The following RNF149 variants were observed in gnomAD, a reference collection of about 807,000 sequenced individuals.
RNF149 encodes E3 ubiquitin-protein ligase RNF149.
Under a neutral mutation model 39.0 loss-of-function variants are expected in RNF149, and 21 were observed. That is an observed-to-expected ratio of 0.54 (90% CI 0.38 to 0.77). RNF149 has a LOEUF of 0.77. Among genes scored for constraint, RNF149 ranks in the 30% least tolerant of loss-of-function variants. RNF149 has a pLI of 0.00. For synonymous variants in RNF149, 209 were observed against 213.6 expected, an observed-to-expected ratio of 0.98 and a Z score of 0.19; for missense variants, 493 against 534.9, an observed-to-expected ratio of 0.92 and a Z score of 0.77.
At chr2:101,273,621 T>C (rs1413524868), downstream of RNF149, among the ~76,000 whole-genome samples, 1 of 151,928 alleles carries the variant, frequency 6.6e-6, no homozygotes, top group African/African-American at 2.4e-5. Context: ...TACAGGCAGA[T>C]GCCACCACAC....
intron 1 of RNF149, among the ~76,000 whole-genome samples, chr2:101,299,076 G>C (rs1172630115): frequency 6.6e-6 from 1 of 152,192 alleles, no homozygotes; most frequent in African/African-American, 2.4e-5. Context: ...AGAATTGCTC[G>C]AACCCAGAGT....
chr2:101,288,875 C>T (rs894223390), intron 4 of RNF149, 98 bp downstream of exon 4: 1 of 635,966 alleles, frequency 1.6e-6, no homozygotes, highest in Non-Finnish European at 2.8e-6. Flanking sequence ...TCACAAATTA[C>T]AAGATCTTCA....
rs1682318882 is a variant in RNF149 at position 101,275,660 on chromosome 2, C to G, written c.*1578G>C. ...GTTTCACCGTTTTAGCCGGGATGGT[C>G]TCGATCTCCTGACCTCGTGATCCGC... On this transcript the variant is annotated 3_prime_UTR_variant, in exon 7 of 7. Transcript: ENST00000295317. The G allele has an allele frequency of 5.2e-6, 1 of 191,444 alleles. No individual in the cohort carries two copies. The highest frequency in any genetic ancestry group is 2.4e-5 in the African/African-American group (1 of 41,018). The allele number at this position is 191,444 out of a possible 1,614,324, so 11.9% of individuals were successfully genotyped here.
intron 4 of RNF149, 108 bp downstream of exon 4, chr2:101,288,865 T>C (rs1682893717): frequency 3.2e-6 from 2 of 616,836 alleles, no homozygotes; most frequent in Non-Finnish European, 5.8e-6. Context: ...GAAGAGATGA[T>C]CACAAATTAC....
Position 101,308,465 on chromosome 2 carries a change from C to T in RNF149, c.124G>A (p.Val42Ile). 6.2e-7 allele frequency: 1 copy of T among 1,611,580 alleles called. No individual in the cohort carries two copies. The highest frequency in any genetic ancestry group is 8.5e-7 in the Non-Finnish European group (1 of 1,179,370). ...GRALEWFSAV[V>I]NIEYVDPQTN... ...TGCGGGTCCACGTACTCGATGTTTA[C>T]CACGGCCGAGAACCACTCGAGAGCC... Residue 42 changes from valine (V) to isoleucine (I), a missense_variant, in exon 1 of 7, where the codon GTA becomes ATA. Coordinates refer to ENST00000295317, the MANE Select transcript of RNF149 (RefSeq NM_173647.4).
rs1224901385 is a variant in RNF149, at chr2:101,277,211, T to C, written c.*27A>G. 1.2e-6 allele frequency: 2 copies of C among 1,612,990 alleles called. No homozygotes were observed. The highest frequency in any genetic ancestry group is 1.7e-6 in the Non-Finnish European group (2 of 1,179,438). On this transcript the variant is annotated 3_prime_UTR_variant, in exon 7 of 7. Coordinates refer to ENST00000295317, the MANE Select transcript of RNF149 (RefSeq NM_173647.4). ...TCCTTTAGTTCAAGCCAAACTTCTG[T>C]TGGTGCCACTTCAGTGGGCACGTGT...
rs373299823 is a variant in RNF149, at chr2:101,303,794, T to A, written c.460+4335A>T. On this transcript the variant is annotated intron_variant, in intron 1 of 6. Transcript: ENST00000295317. ...TCTTTTTTAATTTTATTCTTATACC[T>A]CTAATCAATAGGAGGGATTTCTTAT... 4.6e-5 allele frequency among the ~76,000 whole-genome samples: 7 copies of A among 152,254 alleles called. No homozygotes were observed. In the South Asian group the frequency reaches 1.2e-3, roughly 27 times the overall value.
In RNF149 at chr2:101,286,141, A is replaced by G. The variant is rs773623895; in HGVS notation, c.900T>C (p.Leu300=). The change falls in exon 5 of 7, where the codon CTT becomes CTC. Residue 300 remains leucine (L), a synonymous_variant. Coordinates refer to ENST00000295317, the MANE Select transcript of RNF149 (RefSeq NM_173647.4). ...IFHRICIDPW[L]LDHRTCPMCK... is the part of the protein sequence containing the mutation. ...ACATTGGACATGTTCGGTGATCCAA[A>G]AGCCATGGGTCAATGCATATTCTAT... is the stretch of plus-strand genomic sequence containing the variant. 31 of 1,610,998 alleles carry G rather than the reference A, an allele frequency of 1.9e-5. No individual in the cohort carries two copies. Among genetic ancestry groups the G allele is most frequent in the Non-Finnish European group, 2.5e-5 (30 of 1,177,360 alleles).
At chr2:101,288,306 C>T (rs547057665) in intron 4 of RNF149, among the ~76,000 whole-genome samples, 83 of 139,974 alleles carry the variant, frequency 5.9e-4, no homozygotes, top group African/African-American at 2.1e-3. Context: ...GGTGCAATCT[C>T]GGCTCACTGT....
At position 101,308,511 on chromosome 2, in the gene RNF149, G is replaced by A. The variant is rs1450477358; in HGVS notation, c.78C>T (p.Cys26=). 2 of 1,609,606 alleles carry A rather than the reference G, an allele frequency of 1.2e-6. No individual in the cohort carries two copies. The highest frequency in any genetic ancestry group is 1.7e-6 in the Non-Finnish European group (2 of 1,178,876). ...GAGCCCGGCCCCGGGCCCCGGGCAC[G>A]CACAGGGCCAGGGCGAGCAACGCCA... The part of the protein sequence containing the change: ...LALALLALAL[C]VPGARGRALE... Residue 26 remains cysteine (C), a synonymous_variant, in exon 1 of 7, where the codon TGC becomes TGT. Coordinates refer to ENST00000295317, the MANE Select transcript of RNF149 (RefSeq NM_173647.4).
chr2:101,282,569 T>C (rs1682633453), intron 5 of RNF149, among the ~76,000 whole-genome samples: 1 of 152,112 alleles, frequency 6.6e-6, no homozygotes, highest in African/African-American at 2.4e-5. Flanking sequence ...CCTCCTTCCA[T>C]TTGCTGCTTT....
At chr2:101,299,891 C>T (rs779875403) in intron 1 of RNF149, among the ~76,000 whole-genome samples, 2 of 152,202 alleles carry the variant, frequency 1.3e-5, no homozygotes, top group Non-Finnish European at 2.9e-5. Context: ...GACCCAGCTC[C>T]GAGGTAACGT....
Position 101,277,184 on chromosome 2 carries a change from T to C in RNF149, c.*54A>G, listed in dbSNP as rs1682376346. The C allele has an allele frequency of 1.9e-6, 3 of 1,602,164 alleles. No homozygotes were observed. Among genetic ancestry groups the C allele is most frequent in the East Asian group, 4.5e-5 (2 of 44,610 alleles). On this transcript the variant is annotated 3_prime_UTR_variant, in exon 7 of 7. Transcript: ENST00000295317. ...ATGTGCTAAAGTAAAAAAAATAAAATGTCCTTTAGTTCAAGCCAAACTTCT... is the reference window on the plus strand; with the variant it reads ...ATGTGCTAAAGTAAAAAAAATAAAACGTCCTTTAGTTCAAGCCAAACTTCT...
At chr2:101,299,336 C>T (rs1234639365) in intron 1 of RNF149, among the ~76,000 whole-genome samples, 4 of 152,132 alleles carry the variant, frequency 2.6e-5, no homozygotes, top group Non-Finnish European at 5.9e-5. Context: ...TCTAAGGTAG[C>T]CCCTGTGTGG....
At chr2:101,295,788 TAA>T (rs554307643) in intron 1 of RNF149, among the ~76,000 whole-genome samples, 6 of 138,364 alleles carry the variant, frequency 4.3e-5, no homozygotes, top group East Asian at 2.1e-4. Context: ...CACAGCAGAT[TAA>T]AAAAAAAAAA....
chr2:101,285,187 C>G (rs905327374), intron 5 of RNF149, among the ~76,000 whole-genome samples: 6 of 152,048 alleles, frequency 3.9e-5, no homozygotes, highest in Admixed American at 1.3e-4. Flanking sequence ...TATGAGCCAC[C>G]AAGTCCAGCC....
chr2:101,282,206 G>GT, intron 5 of RNF149, 149 bp from the exon 6 acceptor site: 1 of 1,182,322 alleles, frequency 8.5e-7, no homozygotes, highest in Non-Finnish European at 1.1e-6. Flanking sequence ...CCCTTATCTA[G>GT]TATCACAAGA....
Position 101,276,236 on chromosome 2 carries a change from G to C in RNF149, c.*1002C>G. The C allele has an allele frequency of 1.0e-6, 1 of 985,332 alleles. No individual in the cohort carries two copies. Among genetic ancestry groups the C allele is most frequent in the African/African-American group, 1.7e-5 (1 of 57,338 alleles). The allele number at this position is 985,332 out of a possible 1,614,324, so 61.0% of individuals were successfully genotyped here. A position where few individuals can be genotyped will look rare whatever the true frequency, so the allele number is the denominator to read the frequency against. On this transcript the variant is annotated 3_prime_UTR_variant, in exon 7 of 7. Transcript: ENST00000295317. ...AAGAAGTGAAAAAATAGCAGAGTGT[G>C]TGTTTAATCACTTTTTAACACTTAG...
intron 1 of RNF149, among the ~76,000 whole-genome samples, chr2:101,303,901 G>A (rs1245818792): frequency 6.6e-6 from 1 of 152,160 alleles, no homozygotes; most frequent in Non-Finnish European, 1.5e-5. Context: ...TTGGCACTCA[G>A]TAAATAACTG....
Sources: gnomAD v4.1 joint callset for allele counts (sites outside exome capture counted in the v4.1 genomes callset) on GRCh38, gnomAD v4.1.1 for gene constraint, MANE v1.5 for transcripts, NCBI Gene and HGNC (gene_info 2026-07-23, HGNC 2026-07-21) for gene names.